The following RCSD1 variants were observed in gnomAD, a reference collection of about 807,000 sequenced individuals.
The protein encoded by RCSD1 is RCSD domain containing 1, also known as capZ-interacting protein.
Under a neutral mutation model 42.5 loss-of-function variants are expected in RCSD1, and 26 were observed. That is an observed-to-expected ratio of 0.61 (90% CI 0.45 to 0.85). The LOEUF (loss-of-function observed/expected upper bound fraction) is 0.85, where lower values mean the gene tolerates loss of function less well. Among genes scored for constraint, RCSD1 ranks in the 40% least tolerant of loss-of-function variants. The pLI is 0.00. For synonymous variants in RCSD1, 220 were observed against 212.2 expected, an observed-to-expected ratio of 1.04 and a Z score of -0.32; for missense variants, 571 against 528.3, an observed-to-expected ratio of 1.08 and a Z score of -0.79.
At chr1:167,651,884 C>A (rs1658317533) in intron 1 of RCSD1, among the ~76,000 whole-genome samples, 1 of 152,160 alleles carries the variant, frequency 6.6e-6, no homozygotes, top group Admixed American at 6.5e-5. Flanking sequence ...CCACTCTTAT[C>A]TGGGGGTTGG....
chr1:167,666,932 C>T (rs1307046630), intron 1 of RCSD1, among the ~76,000 whole-genome samples: 1 of 152,200 alleles, frequency 6.6e-6, no homozygotes, highest in Non-Finnish European at 1.5e-5. Flanking sequence ...ACAATTCTTC[C>T]ACTGTGGCCC....
intron 1 of RCSD1, among the ~76,000 whole-genome samples, chr1:167,639,883 A>C (rs146750109): frequency 0.016 from 2,368 of 152,332 alleles, 55 homozygotes; most frequent in South Asian, 0.061. Flanking sequence ...GCCTTGTTCT[A>C]CTAGGCTTAC....
chr1:167,648,883 C>G lies in RCSD1; in HGVS notation c.6+18454C>G, dbSNP rs76192081. Among the ~76,000 whole-genome samples the G allele has an allele frequency of 3.3e-5, 5 of 152,248 alleles. No homozygotes were observed. In the South Asian group the frequency reaches 1.0e-3, roughly 32 times the overall value. On this transcript the variant is annotated intron_variant, in intron 1 of 6. Coordinates refer to ENST00000367854, the MANE Select transcript of RCSD1 (RefSeq NM_052862.4). ...TTGGGAGGAGAAGCAATCAGTCACT[C>G]GCTTGCTTAATAAATATTTAATAAG... is the stretch of plus-strand genomic sequence containing the variant.
At chr1:167,686,146 G>C (rs1246730287) in intron 3 of RCSD1, among the ~76,000 whole-genome samples, 1 of 152,158 alleles carries the variant, frequency 6.6e-6, no homozygotes, top group Non-Finnish European at 1.5e-5. Flanking sequence ...TGTAGCTGCA[G>C]GAGTGCCTTC....
chr1:167,683,920 T>C lies in RCSD1; in HGVS notation c.27T>C (p.Asn9=). MEERPAET[N]ANVDNSASPS... ...GCCAGGAAAGACCGGCAGAGACCAA[T>C]GCCAATGTGGACAACTCGGCGTCCC... is the stretch of plus-strand genomic sequence containing the variant. Residue 9 remains asparagine (N), a synonymous_variant, in exon 2 of 7, where the codon AAT becomes AAC. Transcript: ENST00000367854. The C allele has an allele frequency of 6.2e-7, 1 of 1,614,198 alleles. No individual in the cohort carries two copies. Among genetic ancestry groups the C allele is most frequent in the Non-Finnish European group, 8.5e-7 (1 of 1,180,036 alleles).
In RCSD1 at chr1:167,653,079, C is replaced by T. The variant is rs550245863; in HGVS notation, c.6+22650C>T. Reference sequence around the variant, plus strand: ...CAGCAGTTTTTAAGGGAACAATTTTCGCCATAATCCTGGCAGCCTTTTATC... The same window carrying T: ...CAGCAGTTTTTAAGGGAACAATTTTTGCCATAATCCTGGCAGCCTTTTATC... On this transcript the variant is annotated intron_variant, in intron 1 of 6. Coordinates refer to ENST00000367854, the MANE Select transcript of RCSD1 (RefSeq NM_052862.4). Among the ~76,000 whole-genome samples the T allele has an allele frequency of 5.3e-5, 8 of 152,276 alleles. No individual in the cohort carries two copies. The East Asian group carries it at 1.5e-3, about 29-fold the overall frequency.
At chr1:167,645,562 G>C (rs1658114816) in intron 1 of RCSD1, among the ~76,000 whole-genome samples, 1 of 152,232 alleles carries the variant, frequency 6.6e-6, no homozygotes, top group Non-Finnish European at 1.5e-5. Context: ...AGGCTTATTG[G>C]GAGAGGGTGA....
intron 1 of RCSD1, among the ~76,000 whole-genome samples, chr1:167,644,974 A>T (rs1197942380): frequency 6.6e-6 from 1 of 152,252 alleles, no homozygotes; most frequent in Non-Finnish European, 1.5e-5. Context: ...TGCAGGTTGA[A>T]CTACCTTGCC....
intron 1 of RCSD1, among the ~76,000 whole-genome samples, chr1:167,673,998 C>A (rs997941866): frequency 6.6e-6 from 1 of 152,216 alleles, no homozygotes; most frequent in East Asian, 1.9e-4. Flanking sequence ...GCAGCAATGG[C>A]CTGTTTTCAT....
intron 1 of RCSD1, among the ~76,000 whole-genome samples, chr1:167,652,053 G>GCTCT (rs1658325692): frequency 8.3e-6 from 1 of 120,524 alleles, no homozygotes; most frequent in African/African-American, 3.3e-5. Flanking sequence ...ATAGAGTCTT[G>GCTCT]CTCTGTCACC....
intron 1 of RCSD1, among the ~76,000 whole-genome samples, chr1:167,644,682 C>T (rs964835520): frequency 6.6e-5 from 10 of 152,000 alleles, no homozygotes; most frequent in Non-Finnish European, 2.9e-5. Flanking sequence ...CCCCACATAC[C>T]TGGGTTGCCT....
At chr1:167,688,825 C>T (rs1659303925) in intron 3 of RCSD1, among the ~76,000 whole-genome samples, 1 of 152,206 alleles carries the variant, frequency 6.6e-6, no homozygotes, top group Non-Finnish European at 1.5e-5. Context: ...AGGTCATACA[C>T]ATTGGTCTCC....
chr1:167,681,842 G>T (rs1001992226), intron 1 of RCSD1, among the ~76,000 whole-genome samples: 1 of 152,118 alleles, frequency 6.6e-6, no homozygotes, highest in African/African-American at 2.4e-5. Flanking sequence ...CCTCTCTCTC[G>T]TTGTTCCATT....
rs187554884 is a variant in RCSD1 at position 167,647,173 on chromosome 1, C to T, written c.6+16744C>T. Among the ~76,000 whole-genome samples, 301 of 150,296 alleles carry T rather than the reference C, an allele frequency of 2.0e-3. 1 individual carries two copies. The highest frequency in any genetic ancestry group is 7.1e-3 in the African/African-American group (290 of 40,816). On this transcript the variant is annotated intron_variant, in intron 1 of 6. Transcript: ENST00000367854. ...GAAGGGGGTAGAGGCAACAGAATTA[C>T]TTGTCCATTAGGCACATGTCTTTAA...
At chr1:167,683,076 G>A (rs1434418802) in intron 1 of RCSD1, among the ~76,000 whole-genome samples, 1 of 152,172 alleles carries the variant, frequency 6.6e-6, no homozygotes, top group Non-Finnish European at 1.5e-5. Context: ...GTGTCCTGGG[G>A]TGCATCTTGG....
chr1:167,697,835 A>G lies in RCSD1; in HGVS notation c.1211A>G (p.Lys404Arg), dbSNP rs775934165. The G allele has an allele frequency of 2.2e-5, 32 of 1,462,814 alleles. No individual in the cohort carries two copies. The highest frequency in any genetic ancestry group is 2.9e-5 in the South Asian group (2 of 68,144). The allele number at this position is 1,462,814 out of a possible 1,614,324, so 90.6% of individuals were successfully genotyped here. A position where few individuals can be genotyped will look rare whatever the true frequency, so the allele number is the denominator to read the frequency against. ...GTCCAGAGCGAGCCAGCAGTCCCCAAGCCGGAGGTAGGTGGCCTGGCTCGT... is the reference window on the plus strand; with the variant it reads ...GTCCAGAGCGAGCCAGCAGTCCCCAGGCCGGAGGTAGGTGGCCTGGCTCGT... ...SEVQSEPAVP[K>R]PEDDTPVQDT... Residue 404 changes from lysine to arginine, a missense_variant, in exon 6 of 7, where the codon AAG (lysine) becomes AGG (arginine). By Grantham distance (26) the Lys-to-Arg change is conservative (BLOSUM62 2). Coordinates refer to ENST00000367854, the MANE Select transcript of RCSD1 (RefSeq NM_052862.4).
chr1:167,683,939 G>A lies in RCSD1; in HGVS notation c.46G>A (p.Ala16Thr), dbSNP rs1246446943. 5.6e-6 allele frequency: 9 copies of A among 1,614,074 alleles called. No individual in the cohort carries two copies. Among genetic ancestry groups the A allele is most frequent in the Middle Eastern group, 1.6e-4 (1 of 6,084 alleles). The change falls in exon 2 of 7, where the codon GCG (alanine) becomes ACG (threonine). Residue 16 changes from alanine to threonine, a missense_variant. By Grantham distance (58) the Ala-to-Thr change is moderately conservative. Coordinates refer to ENST00000367854, the MANE Select transcript of RCSD1 (RefSeq NM_052862.4). ...AETNANVDNSASPSVAQLAGR... is the reference protein window; with the variant it reads ...AETNANVDNSTSPSVAQLAGR... ...GACCAATGCCAATGTGGACAACTCG[G>A]CGTCCCCCTCGGTGGCCCAGCTGGC... is the stretch of plus-strand genomic sequence containing the variant.
chr1:167,685,328 C>G (rs933540688), intron 2 of RCSD1, 93 bp from the exon 3 acceptor site: 3 of 976,400 alleles, frequency 3.1e-6, no homozygotes, highest in Admixed American at 4.9e-5. Flanking sequence ...CTAAACCTTC[C>G]TGAAACCAGT....
At chr1:167,650,871 T>A (rs1658284146) in intron 1 of RCSD1, among the ~76,000 whole-genome samples, 1 of 152,162 alleles carries the variant, frequency 6.6e-6, no homozygotes, top group South Asian at 2.1e-4. Flanking sequence ...TCAATGCCTT[T>A]ATTAGTTCGG....
Sources: gnomAD v4.1 joint callset for allele counts (sites outside exome capture counted in the v4.1 genomes callset) on GRCh38, gnomAD v4.1.1 for gene constraint, MANE v1.5 for transcripts, NCBI Gene and HGNC (gene_info 2026-07-23, HGNC 2026-07-21) for gene names.